The following CAMTA1 variants were observed in gnomAD, a reference collection of about 807,000 sequenced individuals.
CAMTA1 encodes the protein calmodulin binding transcription activator 1, also known as calmodulin-binding transcription activator 1.
In CAMTA1, 27 loss-of-function variants were observed where a neutral mutation model predicts 170.9. The ratio of observed to expected loss-of-function variants is 0.16; its 90% CI spans 0.12 to 0.22. The LOEUF (loss-of-function observed/expected upper bound fraction) is 0.22. Among genes scored for constraint, CAMTA1 ranks in the 10% least tolerant of loss-of-function variants. CAMTA1 has a pLI of 1.00. For synonymous variants in CAMTA1, 833 were observed against 891.5 expected (o/e 0.93, Z 1.17); for missense variants, 1,619 against 2,217.2 (o/e 0.73, Z 5.42).
chr1:7,187,333 T>G (rs1402196776), intron 4 of CAMTA1, among the ~76,000 whole-genome samples: 2 of 152,220 alleles, frequency 1.3e-5, no homozygotes, highest in Admixed American at 1.3e-4. Flanking sequence ...GATTGCCAAC[T>G]GCTGTTTCTC....
chr1:7,737,087 C>T, intron 14 of CAMTA1, 78 bp downstream of exon 14: 1 of 1,354,506 alleles, frequency 7.4e-7, no homozygotes. Context: ...CCACCGTTGT[C>T]TCTTGCTGAC....
chr1:6,895,422 C>G (rs1284653091), intron 3 of CAMTA1, among the ~76,000 whole-genome samples: 1 of 152,238 alleles, frequency 6.6e-6, no homozygotes, highest in Non-Finnish European at 1.5e-5. Flanking sequence ...AGATCTGTCA[C>G]ATTTTCCTGT....
intron 1 of CAMTA1, among the ~76,000 whole-genome samples, chr1:6,817,637 A>C (rs1017466448): frequency 6.6e-6 from 1 of 152,156 alleles, no homozygotes; most frequent in Non-Finnish European, 1.5e-5. Context: ...ATAGTTAACT[A>C]CTTTTTTTGT....
At chr1:7,086,726 T>C (rs981534472) in intron 3 of CAMTA1, among the ~76,000 whole-genome samples, 2 of 152,236 alleles carry the variant, frequency 1.3e-5, no homozygotes, top group African/African-American at 4.8e-5. Flanking sequence ...TTCATTCATG[T>C]AGTAGCCGGT....
intron 5 of CAMTA1, among the ~76,000 whole-genome samples, chr1:7,404,174 C>T (rs2090122471): frequency 2.0e-5 from 3 of 152,232 alleles, no homozygotes; most frequent in Admixed American, 2.0e-4. Context: ...CTCCCGACAC[C>T]ACCCACACTC....
At position 7,451,696 on chromosome 1, in the gene CAMTA1, G is replaced by A. The variant is rs554436032; in HGVS notation, c.439-16134G>A. Reference sequence around the variant, plus strand: ...ATCACTGAGCACGTTCTCTGTGGCTGCTCCCTGTGAGGCCTGGAGTCCACA... The same window carrying A: ...ATCACTGAGCACGTTCTCTGTGGCTACTCCCTGTGAGGCCTGGAGTCCACA... On this transcript the variant is annotated intron_variant, in intron 5 of 22. Transcript: ENST00000303635. Among the ~76,000 whole-genome samples, 14 of 152,212 alleles carry A rather than the reference G, an allele frequency of 9.2e-5. No individual in the cohort carries two copies. The South Asian group carries it at 2.9e-3, about 32-fold the overall frequency.
intron 5 of CAMTA1, among the ~76,000 whole-genome samples, chr1:7,423,698 C>T (rs371913025): frequency 6.6e-6 from 1 of 152,028 alleles, no homozygotes; most frequent in Non-Finnish European, 1.5e-5. Flanking sequence ...AAATGCGCAA[C>T]GACTTCCCTT....
chr1:7,526,959 AAG>A (rs2094438866), intron 6 of CAMTA1, among the ~76,000 whole-genome samples: 2 of 152,126 alleles, frequency 1.3e-5, no homozygotes, highest in Non-Finnish European at 2.9e-5. Context: ...GTTTCCAAGA[AAG>A]CAGCCTTTCC....
intron 6 of CAMTA1, among the ~76,000 whole-genome samples, chr1:7,589,672 C>A (rs2095340647): frequency 6.6e-6 from 1 of 152,180 alleles, no homozygotes; most frequent in African/African-American, 2.4e-5. Flanking sequence ...GAAAGAAATT[C>A]TCTACTCTAG....
intron 6 of CAMTA1, among the ~76,000 whole-genome samples, chr1:7,506,510 A>G (rs1457697650): frequency 1.3e-5 from 2 of 152,034 alleles, no homozygotes; most frequent in African/African-American, 4.8e-5. Flanking sequence ...GAAACTCAAA[A>G]TTCACACTAA....
At chr1:7,002,367 G>A (rs555613354) in intron 3 of CAMTA1, among the ~76,000 whole-genome samples, 2 of 152,250 alleles carry the variant, frequency 1.3e-5, no homozygotes, top group South Asian at 2.1e-4. Context: ...ATAAAACAGC[G>A]CAGTGGGAAA....
At chr1:6,817,674 C>T (rs1645992576) in intron 1 of CAMTA1, among the ~76,000 whole-genome samples, 1 of 152,118 alleles carries the variant, frequency 6.6e-6, no homozygotes, top group South Asian at 2.1e-4. Flanking sequence ...CATTCTGTCA[C>T]CCAAGCTAGA....
At chr1:7,331,299 C>T (rs2083019548) in intron 5 of CAMTA1, among the ~76,000 whole-genome samples, 1 of 152,074 alleles carries the variant, frequency 6.6e-6, no homozygotes, top group Admixed American at 6.5e-5. Flanking sequence ...CAGAGGAGAG[C>T]GAGCCTATGG....
At chr1:7,717,617 C>T (rs2096620577) in intron 11 of CAMTA1, among the ~76,000 whole-genome samples, 1 of 151,956 alleles carries the variant, frequency 6.6e-6, no homozygotes, top group African/African-American at 2.4e-5. Context: ...CGTGGTGGTG[C>T]ATGCCTGTGG....
chr1:7,053,411 G>A (rs1284457968), intron 3 of CAMTA1, among the ~76,000 whole-genome samples: 1 of 152,168 alleles, frequency 6.6e-6, no homozygotes, highest in African/African-American at 2.4e-5. Flanking sequence ...CCCCTCTCTG[G>A]TCTCCTGCAT....
chr1:7,000,653 A>C (rs1698088406), intron 3 of CAMTA1, among the ~76,000 whole-genome samples: 2 of 152,184 alleles, frequency 1.3e-5, no homozygotes, highest in Admixed American at 1.3e-4. Flanking sequence ...CTTGGCTCTG[A>C]CTTTGGGTGC....
intron 7 of CAMTA1, among the ~76,000 whole-genome samples, chr1:7,660,232 C>A (rs2095943083): frequency 1.3e-5 from 2 of 152,326 alleles, no homozygotes; most frequent in South Asian, 4.1e-4. Context: ...CCACGCCCAG[C>A]TAATTTTGTA....
At chr1:7,047,568 T>G (rs1705591230) in intron 3 of CAMTA1, among the ~76,000 whole-genome samples, 1 of 152,150 alleles carries the variant, frequency 6.6e-6, no homozygotes, top group Non-Finnish European at 1.5e-5. Context: ...TTTCATTCTC[T>G]TTTCTTGCCA....
rs74051011 is a variant in CAMTA1, at chr1:6,850,707, T to A, written c.234+25497T>A. ...GATGTGAGACCAGCATTTGCAGTCATTTCTTTCCCAGAGGAATCTGCTCAT... is the reference window on the plus strand; with the variant it reads ...GATGTGAGACCAGCATTTGCAGTCAATTCTTTCCCAGAGGAATCTGCTCAT... On this transcript the variant is annotated intron_variant, in intron 3 of 22. Coordinates refer to ENST00000303635, the MANE Select transcript of CAMTA1 (RefSeq NM_015215.4). Among the ~76,000 whole-genome samples the A allele has an allele frequency of 2.6e-3, 397 of 152,332 alleles. 1 individual carries two copies. The highest frequency in any genetic ancestry group is 9.2e-3 in the African/African-American group (384 of 41,572).
Sources: gnomAD v4.1 joint callset for allele counts (sites outside exome capture counted in the v4.1 genomes callset) on GRCh38, gnomAD v4.1.1 for gene constraint, MANE v1.5 for transcripts, NCBI Gene and HGNC (gene_info 2026-07-23, HGNC 2026-07-21) for gene names.